Variants in SCEL observed in about 807,000 individuals in gnomAD.
SCEL encodes sciellin.
A neutral mutation model predicts 117.6 loss-of-function variants in SCEL; 113 were observed. The ratio of observed to expected loss-of-function variants is 0.96; its 90% CI spans 0.83 to 1.12. The LOEUF (loss-of-function observed/expected upper bound fraction) is 1.12. Among genes scored for constraint, SCEL ranks in the 50% most tolerant of loss-of-function variants. The probability of loss-of-function intolerance (pLI) is 0.00; values close to 1 mark genes in which losing one functional copy is unlikely to be tolerated. For missense variants in SCEL, 785 were observed against 810.8 expected (o/e 0.97, Z 0.39); for synonymous variants, 270 against 256.2 (o/e 1.05, Z -0.51).
chr13:77,622,982 A>T (rs1341670410), intron 27 of SCEL, among the ~76,000 whole-genome samples: 3 of 152,178 alleles, frequency 2.0e-5, no homozygotes, highest in Non-Finnish European at 4.4e-5. Context: ...CTGCCCATAA[A>T]TGTATAAAAT....
intron 29 of SCEL, among the ~76,000 whole-genome samples, chr13:77,636,818 T>C (rs1213956311): frequency 6.6e-6 from 1 of 152,218 alleles, no homozygotes; most frequent in Admixed American, 6.5e-5. Flanking sequence ...TGTAGCTTTC[T>C]TTAGTAAACA....
chr13:77,551,716 T>A (rs949406225), intron 1 of SCEL, among the ~76,000 whole-genome samples: 4 of 152,136 alleles, frequency 2.6e-5, no homozygotes, highest in African/African-American at 9.7e-5. Context: ...TATTATACTT[T>A]AAGTTTTAGG....
At chr13:77,597,419 G>A (rs1296505275) in intron 12 of SCEL, 126 bp from the exon 13 acceptor site, 1 of 587,482 alleles carries the variant, frequency 1.7e-6, no homozygotes, top group African/African-American at 2.0e-5. Context: ...AGGATCATCA[G>A]GATTTTCGCA....
chr13:77,622,914 T>A (rs1371424354), intron 27 of SCEL, among the ~76,000 whole-genome samples: 1 of 152,144 alleles, frequency 6.6e-6, no homozygotes. Context: ...AACAATTTGC[T>A]CTTCAATAAT....
chr13:77,572,199 A>C lies in SCEL; in HGVS notation c.545+10A>C. The C allele has an allele frequency of 6.2e-7, 1 of 1,600,492 alleles. No homozygotes were observed. The highest frequency in any genetic ancestry group is 8.6e-7 in the Non-Finnish European group (1 of 1,168,614). On this transcript the variant is annotated intron_variant, in intron 9 of 32. Transcript: ENST00000349847. ...CAGGAACCAGGAGACGGTAAGGGAA[A>C]GGTGTCAGGCGTAATTGCTGTGCCA...
intron 1 of SCEL, among the ~76,000 whole-genome samples, chr13:77,541,044 T>C (rs1428861239): frequency 2.0e-5 from 3 of 152,226 alleles, no homozygotes; most frequent in Non-Finnish European, 4.4e-5. Flanking sequence ...TCTACAAAGA[T>C]GGCTTTTAAA....
chr13:77,619,649 G>A (rs1384681080), intron 27 of SCEL, among the ~76,000 whole-genome samples: 1 of 152,192 alleles, frequency 6.6e-6, no homozygotes, highest in Non-Finnish European at 1.5e-5. Context: ...TCTAAAAGCT[G>A]AAATAACAGT....
At chr13:77,601,700 C>T (rs1248654960) in intron 15 of SCEL, among the ~76,000 whole-genome samples, 1 of 152,182 alleles carries the variant, frequency 6.6e-6, no homozygotes, top group South Asian at 2.1e-4. Context: ...TTGATTTCTA[C>T]CCCTGATGTA....
At chr13:77,634,590 T>C (rs1438494486) in intron 29 of SCEL, 140 bp downstream of exon 29, 5 of 532,094 alleles carry the variant, frequency 9.4e-6, no homozygotes, top group Non-Finnish European at 1.7e-5. Flanking sequence ...TCTATATATA[T>C]ATAATTCTCT....
intron 18 of SCEL, 118 bp downstream of exon 18, chr13:77,603,253 A>C: frequency 1.9e-6 from 1 of 515,120 alleles, no homozygotes; most frequent in Non-Finnish European, 3.4e-6. Flanking sequence ...GACAATAAAG[A>C]TAGGCCACAC....
chr13:77,602,068 C>A lies in SCEL; in HGVS notation c.921C>A (p.Ile307=). ...STRTDKDGKG[I]QSLGSPIKVN... Reference sequence around the variant, plus strand: ...CTTTTCCCCCAATGTTGTAAAGAATCCAAAGCCTTGGAAGTCCGATTAAAG... The same window carrying A: ...CTTTTCCCCCAATGTTGTAAAGAATACAAAGCCTTGGAAGTCCGATTAAAG... The change falls in exon 16 of 33, where the codon ATC becomes ATA. Residue 307 remains isoleucine (I), a synonymous_variant. Coordinates refer to ENST00000349847, the MANE Select transcript of SCEL (RefSeq NM_144777.3). 2 of 1,609,188 alleles carry A rather than the reference C, an allele frequency of 1.2e-6. No homozygotes were observed. Among genetic ancestry groups the A allele is most frequent in the South Asian group, 1.1e-5 (1 of 90,244 alleles).
At chr13:77,638,634 T>C (rs2090417202) in intron 30 of SCEL, among the ~76,000 whole-genome samples, 1 of 152,206 alleles carries the variant, frequency 6.6e-6, no homozygotes, top group African/African-American at 2.4e-5. Flanking sequence ...TACAACCTTT[T>C]GCTGTTGATA....
chr13:77,540,084 G>A (rs553015620), intron 1 of SCEL, among the ~76,000 whole-genome samples: 11 of 152,034 alleles, frequency 7.2e-5, no homozygotes, highest in Non-Finnish European at 1.2e-4. Context: ...GACAAAGGAC[G>A]TATCATATAT....
At position 77,607,927 on chromosome 13, in the gene SCEL, A is replaced by T. The variant is rs543431802; in HGVS notation, c.1158-129A>T. 2.6e-5 allele frequency: 16 copies of T among 605,176 alleles called. No individual in the cohort carries two copies. In the African/African-American group the frequency reaches 3.0e-4, roughly 11 times the overall value. 37.5% of individuals were successfully genotyped at this position (605,176 alleles called of 1,614,324 possible). ...CACCTTTCACAATCTTCAGTCTTCA[A>T]CTCCTTGGCATGATCTCAATGAGTG... is the stretch of plus-strand genomic sequence containing the variant. On this transcript the variant is annotated intron_variant, in intron 19 of 32. Transcript: ENST00000349847.
At position 77,577,609 on chromosome 13, in the gene SCEL, C is replaced by T. The variant is rs1432843221; in HGVS notation, c.545+5420C>T. Among the ~76,000 whole-genome samples the T allele has an allele frequency of 2.0e-5, 3 of 152,074 alleles. No homozygotes were observed. The East Asian group carries it at 5.8e-4, about 29-fold the overall frequency. ...ATCACCAGGTTTTGATCTGATTTCCCTTCAATATTTCGCTTCTATGTTACT... is the reference window on the plus strand; with the variant it reads ...ATCACCAGGTTTTGATCTGATTTCCTTTCAATATTTCGCTTCTATGTTACT... On this transcript the variant is annotated intron_variant, in intron 9 of 32. Coordinates refer to ENST00000349847, the MANE Select transcript of SCEL (RefSeq NM_144777.3).
In SCEL at chr13:77,591,391, A is replaced by G. The variant is rs2086858401; in HGVS notation, c.627-4A>G. 6.4e-7 allele frequency: 1 copy of G among 1,551,094 alleles called. No individual in the cohort carries two copies. Among genetic ancestry groups the G allele is most frequent in the Non-Finnish European group, 8.9e-7 (1 of 1,126,586 alleles). On this transcript the variant is annotated splice_region_variant and splice_polypyrimidine_tract_variant and intron_variant, in intron 10 of 32. Transcript: ENST00000349847. ...GATATAATCTTCTAACTTTGAAAAT[A>G]TAGGCAGATACATCCACCTAAACCA...
intron 1 of SCEL, among the ~76,000 whole-genome samples, chr13:77,551,509 C>T (rs2084320894): frequency 6.6e-6 from 1 of 152,078 alleles, no homozygotes; most frequent in Non-Finnish European, 1.5e-5. Context: ...GGGGGCTGGG[C>T]AGATTTGGAT....
At chr13:77,560,407 A>T (rs1429911641) in intron 4 of SCEL, among the ~76,000 whole-genome samples, 1 of 152,154 alleles carries the variant, frequency 6.6e-6, no homozygotes, top group East Asian at 1.9e-4. Context: ...ATTGTACTCC[A>T]GCCTGGGTGA....
rs2083697748 is a variant in SCEL, at chr13:77,541,466, AT to A, written c.-20+5645del. On this transcript the variant is annotated intron_variant, in intron 1 of 32. Transcript: ENST00000349847. ...TAGAAATTATACATCTTGGCAAGTA[AT>A]TTCACTTCTCGGATTCATTCAAAGA... is the stretch of plus-strand genomic sequence containing the variant. Among the ~76,000 whole-genome samples, 4 of 152,276 alleles carry A rather than the reference AT, an allele frequency of 2.6e-5. 1 individual carries two copies. The highest frequency in any genetic ancestry group is 9.6e-5 in the African/African-American group (4 of 41,520).
Sources: gnomAD v4.1 joint callset for allele counts (sites outside exome capture counted in the v4.1 genomes callset) on GRCh38, gnomAD v4.1.1 for gene constraint, MANE v1.5 for transcripts, NCBI Gene and HGNC (gene_info 2026-07-23, HGNC 2026-07-21) for gene names.